Variants in VPS45 observed in about 807,000 individuals in gnomAD.
The protein encoded by VPS45 is vacuolar protein sorting-associated protein 45.
Under a neutral mutation model 75.9 loss-of-function variants are expected in VPS45, and 35 were observed. The observed-to-expected ratio is 0.46, with a 90% CI of 0.35 to 0.61. The LOEUF (loss-of-function observed/expected upper bound fraction) is 0.61, where lower values mean the gene tolerates loss of function less well. Among genes scored for constraint, VPS45 ranks in the 20% least tolerant of loss-of-function variants. The pLI is 0.00. For missense variants in VPS45, 559 were observed against 685.9 expected (o/e 0.81, Z 2.07); for synonymous variants, 220 against 238.2 (o/e 0.92, Z 0.70).
chr1:150,089,192 A>T (rs1302504898), intron 10 of VPS45, among the ~76,000 whole-genome samples: 1 of 152,154 alleles, frequency 6.6e-6, no homozygotes, highest in Non-Finnish European at 1.5e-5. Flanking sequence ...TTGTGAATTT[A>T]TAGTTACTTG....
chr1:150,073,275 G>T (rs1315131707), intron 3 of VPS45, among the ~76,000 whole-genome samples: 1 of 152,132 alleles, frequency 6.6e-6, no homozygotes, highest in Non-Finnish European at 1.5e-5. Flanking sequence ...AAGTTTTAAA[G>T]CTTACTTAAA....
At chr1:150,126,969 T>C (rs1658552829) in intron 14 of VPS45, among the ~76,000 whole-genome samples, 2 of 152,228 alleles carry the variant, frequency 1.3e-5, no homozygotes, top group Non-Finnish European at 2.9e-5. Context: ...TTCAATGTTA[T>C]TTAATGCCAT....
chr1:150,088,549 G>A (rs1386049595), intron 10 of VPS45, among the ~76,000 whole-genome samples: 1 of 138,574 alleles, frequency 7.2e-6, no homozygotes, highest in Non-Finnish European at 1.5e-5. Flanking sequence ...GTGCAATCTT[G>A]GCTCACTACA....
intron 3 of VPS45, among the ~76,000 whole-genome samples, chr1:150,073,761 A>G (rs587745972): frequency 3.1e-4 from 47 of 152,266 alleles, no homozygotes; most frequent in Non-Finnish European, 6.3e-4. Context: ...TAACACTGAT[A>G]CAGTCAGGAT....
At chr1:150,090,244 C>T (rs1656254720) in intron 10 of VPS45, among the ~76,000 whole-genome samples, 1 of 152,220 alleles carries the variant, frequency 6.6e-6, no homozygotes, top group South Asian at 2.1e-4. Flanking sequence ...TGGTCTCTCA[C>T]ACTGGTTCCA....
intron 7 of VPS45, among the ~76,000 whole-genome samples, chr1:150,079,142 C>A (rs1177135240): frequency 1.3e-5 from 2 of 150,302 alleles, no homozygotes; most frequent in African/African-American, 2.4e-5. Flanking sequence ...CAAAAGCCAT[C>A]TCCAACATCC....
Position 150,093,598 on chromosome 1 carries a change from G to A in VPS45, c.1443G>A (p.Arg481=). Residue 481 remains arginine, a synonymous_variant, in exon 13 of 15, where the codon AGG becomes AGA. Coordinates refer to ENST00000644510, the MANE Select transcript of VPS45 (RefSeq NM_007259.5). ...CCCTGGATCATCTCATCAAAGGAAG[G>A]CTTAAGGAAAACCTATATCCTTATT... ...HETLDHLIKG[R]LKENLYPYLG... is the part of the protein sequence containing the mutation. 6.2e-7 allele frequency: 1 copy of A among 1,613,872 alleles called. No individual in the cohort carries two copies. Among genetic ancestry groups the A allele is most frequent in the Non-Finnish European group, 8.5e-7 (1 of 1,179,900 alleles).
At chr1:150,092,499 G>A (rs1656388122) in intron 12 of VPS45, 90 bp downstream of exon 12, 4 of 1,059,562 alleles carry the variant, frequency 3.8e-6, no homozygotes, top group Non-Finnish European at 5.5e-6. Flanking sequence ...AAAGTATCTT[G>A]AAGATTGCTG....
intron 14 of VPS45, among the ~76,000 whole-genome samples, chr1:150,138,564 A>G (rs1349285606): frequency 1.3e-5 from 2 of 152,106 alleles, no homozygotes; most frequent in Admixed American, 6.5e-5. Flanking sequence ...TGTCCTTTGC[A>G]TTATAGATGT....
At chr1:150,137,666 G>A (rs1021924751) in intron 14 of VPS45, among the ~76,000 whole-genome samples, 1 of 152,256 alleles carries the variant, frequency 6.6e-6, no homozygotes, top group Non-Finnish European at 1.5e-5. Context: ...TGTAATCCTA[G>A]CACTTTTGGA....
At chr1:150,069,449 A>G (rs1157027628) in intron 2 of VPS45, among the ~76,000 whole-genome samples, 1 of 108,626 alleles carries the variant, frequency 9.2e-6, no homozygotes, top group Non-Finnish European at 1.9e-5. Context: ...TTTTAATCTT[A>G]TTTGTTACAC....
At chr1:150,127,066 A>G (rs1296169052) in intron 14 of VPS45, among the ~76,000 whole-genome samples, 1 of 152,246 alleles carries the variant, frequency 6.6e-6, no homozygotes, top group African/African-American at 2.4e-5. Context: ...AGCAACGGGT[A>G]TGATGATAAT....
intron 6 of VPS45, 22 bp from the exon 7 acceptor site, chr1:150,077,647 C>T (rs2101521548): frequency 6.5e-7 from 1 of 1,541,600 alleles, no homozygotes; most frequent in Non-Finnish European, 9.0e-7. Flanking sequence ...TTGCACAAAC[C>T]ATCTTTCTCT....
Position 150,093,646 on chromosome 1 carries a change from C to G in VPS45, c.1491C>G (p.Asp497Glu), listed in dbSNP as rs782007834. Residue 497 changes from aspartate to glutamate, a missense_variant and splice_region_variant, in exon 13 of 15, where the codon GAC becomes GAG. Coordinates refer to ENST00000644510, the MANE Select transcript of VPS45 (RefSeq NM_007259.5). ...YPYLGPSTLR[D>E]RPQDIIVFVI... ...ATTTAGGCCCCAGCACACTCAGAGA[C>G]AGGTAAGCTAACAAAGATATTAATA... 1.2e-6 allele frequency: 2 copies of G among 1,603,388 alleles called. No homozygotes were observed. The highest frequency in any genetic ancestry group is 3.6e-5 in the Admixed American group (2 of 56,334).
chr1:150,092,117 C>T (rs781957501), intron 11 of VPS45, 22 bp downstream of exon 11: 1 of 1,603,904 alleles, frequency 6.2e-7, no homozygotes, highest in Admixed American at 1.7e-5. Flanking sequence ...CCATATTAGC[C>T]CACCAAACAG....
rs1428810427 is a variant in VPS45 at position 150,128,742 on chromosome 1, C to CTT, written c.1626-15957_1626-15956dup. ...AAACTTTCCCAAAGAGATTTTCTTT[C>CTT]TTTTTTTTTTTCAGTGAGACAGAGT... is the stretch of plus-strand genomic sequence containing the variant. On this transcript the variant is annotated intron_variant, in intron 14 of 14. Transcript: ENST00000644510. 1.5e-3 allele frequency among the ~76,000 whole-genome samples: 216 copies of CTT among 148,264 alleles called. 3 individuals carry two copies. Among genetic ancestry groups the CTT allele is most frequent in the Middle Eastern group, 3.5e-3 (1 of 288 alleles).
rs1243397693 is a variant in VPS45, at chr1:150,092,311, G to T, written c.1273G>T (p.Ala425Ser). ...VSEKYRKLVS[A>S]VVEYGGKRVR... ...TTCTCTTTCTTAATAGCTCGTGTCT[G>T]CAGTTGTTGAATATGGTGGTAAACG... Residue 425 changes from alanine (A) to serine (S), a missense_variant, in exon 12 of 15, where the codon GCA becomes TCA. Physicochemically the swap from Ala to Ser is moderately conservative, Grantham distance 99. Coordinates refer to ENST00000644510, the MANE Select transcript of VPS45 (RefSeq NM_007259.5). 3 of 1,613,858 alleles carry T rather than the reference G, an allele frequency of 1.9e-6. No homozygotes were observed. The highest frequency in any genetic ancestry group is 2.5e-6 in the Non-Finnish European group (3 of 1,179,940).
chr1:150,094,654 A>G (rs1195372770), intron 13 of VPS45, among the ~76,000 whole-genome samples: 1 of 152,252 alleles, frequency 6.6e-6, no homozygotes, highest in African/African-American at 2.4e-5. Flanking sequence ...TGGGATCAAG[A>G]TTCAGAAATG....
chr1:150,142,997 G>A (rs1011380067), intron 14 of VPS45: 1 of 328,064 alleles, frequency 3.0e-6, no homozygotes, highest in Non-Finnish European at 6.2e-6. Context: ...TTGCCAATGG[G>A]TAGCTATTTT....
Sources: gnomAD v4.1 joint callset for allele counts (sites outside exome capture counted in the v4.1 genomes callset) on GRCh38, gnomAD v4.1.1 for gene constraint, MANE v1.5 for transcripts, NCBI Gene and HGNC (gene_info 2026-07-23, HGNC 2026-07-21) for gene names.